The following SPAG16 variants were observed in gnomAD, a reference collection of about 807,000 sequenced individuals.
SPAG16 encodes sperm-associated antigen 16 protein.
Under a neutral mutation model 80.4 loss-of-function variants are expected in SPAG16, and 86 were observed. The observed-to-expected ratio is 1.07, with a 90% CI of 0.90 to 1.28. The LOEUF (loss-of-function observed/expected upper bound fraction) is 1.28, where lower values mean the gene tolerates loss of function less well. Ranked by LOEUF, SPAG16 falls within the 50% of genes most tolerant of loss-of-function variation. The probability of loss-of-function intolerance (pLI) is 0.00; values close to 1 mark genes in which losing one functional copy is unlikely to be tolerated. For missense variants in SPAG16, 870 were observed against 765.3 expected, an observed-to-expected ratio of 1.14 and a Z score of -1.61; for synonymous variants, 294 against 265.9, an observed-to-expected ratio of 1.11 and a Z score of -1.03.
chr2:214,234,311 C>T (rs1559145380), intron 15 of SPAG16, among the ~76,000 whole-genome samples: 1 of 152,076 alleles, frequency 6.6e-6, no homozygotes, highest in East Asian at 1.9e-4. Flanking sequence ...AGGTTGATTC[C>T]ATGTCTTTGC....
At chr2:213,486,751 C>A (rs1479293482) in intron 9 of SPAG16, among the ~76,000 whole-genome samples, 4 of 151,930 alleles carry the variant, frequency 2.6e-5, no homozygotes, top group Admixed American at 2.6e-4. Flanking sequence ...ATCAATATCC[C>A]AGGAGAATAT....
chr2:214,288,250 A>T (rs986784324), intron 15 of SPAG16, among the ~76,000 whole-genome samples: 1 of 152,116 alleles, frequency 6.6e-6, no homozygotes, highest in African/African-American at 2.4e-5. Context: ...CAAATGCCCT[A>T]ATTTTATTAT....
At chr2:214,350,114 A>G (rs1007338117) in intron 15 of SPAG16, among the ~76,000 whole-genome samples, 16 of 152,178 alleles carry the variant, frequency 1.1e-4, no homozygotes, top group African/African-American at 3.4e-4. Flanking sequence ...ATTTTTCTCA[A>G]TAACTTTGAA....
At chr2:214,237,828 A>G (rs1689180843) in intron 15 of SPAG16, among the ~76,000 whole-genome samples, 1 of 152,048 alleles carries the variant, frequency 6.6e-6, no homozygotes, top group Non-Finnish European at 1.5e-5. Context: ...AAGAACTTGG[A>G]AAAAGAAAGA....
At chr2:214,187,307 G>A (rs2057511531) in intron 15 of SPAG16, among the ~76,000 whole-genome samples, 1 of 151,824 alleles carries the variant, frequency 6.6e-6, no homozygotes, top group African/African-American at 2.4e-5. Context: ...CTTTTGTCTA[G>A]GTGCTTCATA....
chr2:213,927,484 G>A (rs2078537473), intron 11 of SPAG16, among the ~76,000 whole-genome samples: 1 of 151,936 alleles, frequency 6.6e-6, no homozygotes, highest in African/African-American at 2.4e-5. Flanking sequence ...AAGTTATACA[G>A]TTTTCCATAT....
At chr2:213,947,287 C>G (rs1041024989) in intron 12 of SPAG16, among the ~76,000 whole-genome samples, 2 of 152,092 alleles carry the variant, frequency 1.3e-5, no homozygotes, top group Non-Finnish European at 2.9e-5. Flanking sequence ...TTTTTCTAGT[C>G]TGTGGTATTT....
chr2:213,858,256 C>A (rs779979739), intron 10 of SPAG16, among the ~76,000 whole-genome samples: 1 of 152,106 alleles, frequency 6.6e-6, no homozygotes, highest in Admixed American at 6.6e-5. Flanking sequence ...ACAGAGAAAT[C>A]TTTTTGAAAT....
At chr2:213,825,158 T>A (rs1575251615) in intron 10 of SPAG16, among the ~76,000 whole-genome samples, 2 of 152,276 alleles carry the variant, frequency 1.3e-5, no homozygotes, top group East Asian at 3.9e-4. Context: ...TATAAGATTA[T>A]ATTATCTGCA....
intron 12 of SPAG16, among the ~76,000 whole-genome samples, chr2:213,988,658 C>A (rs1270090211): frequency 2.7e-5 from 4 of 150,362 alleles, no homozygotes; most frequent in Non-Finnish European, 3.0e-5. Flanking sequence ...ACAATTGTAC[C>A]AACATTTTAG....
chr2:213,630,792 G>T (rs534528522), intron 10 of SPAG16, among the ~76,000 whole-genome samples: 2 of 152,250 alleles, frequency 1.3e-5, no homozygotes, highest in South Asian at 2.1e-4. Context: ...ACAATTAAGA[G>T]CACTACCATA....
At chr2:213,399,539 T>G (rs1191524065) in intron 9 of SPAG16, among the ~76,000 whole-genome samples, 3 of 152,040 alleles carry the variant, frequency 2.0e-5, no homozygotes, top group Non-Finnish European at 4.4e-5. Context: ...ATGTGTTATT[T>G]GAGTTACATA....
In SPAG16 at chr2:214,298,481, G is replaced by A. The variant is rs185546120; in HGVS notation, c.1721-111659G>A. Among the ~76,000 whole-genome samples, 498 of 152,152 alleles carry A rather than the reference G, an allele frequency of 3.3e-3. 2 individuals carry two copies. Among genetic ancestry groups the A allele is most frequent in the Non-Finnish European group, 5.9e-3 (402 of 67,978 alleles). On this transcript the variant is annotated intron_variant, in intron 15 of 15. Transcript: ENST00000331683. ...GTGCCCTTTAGACTAGCTGGCAATGGTAGTTTTATTGGTAAGTGGAACCTA... is the reference window on the plus strand; with the variant it reads ...GTGCCCTTTAGACTAGCTGGCAATGATAGTTTTATTGGTAAGTGGAACCTA...
intron 1 of SPAG16, among the ~76,000 whole-genome samples, chr2:213,290,888 T>G: frequency 6.6e-6 from 1 of 152,226 alleles, no homozygotes; most frequent in Non-Finnish European, 1.5e-5. Context: ...CATCACATCC[T>G]ACTTCACTCT....
Position 213,929,142 on chromosome 2 carries a change from T to A in SPAG16, c.1215-818T>A, listed in dbSNP as rs990278386. Reference sequence around the variant, plus strand: ...AACTCTCCTGCCTCAGCCTCTCGAGTAGCTGGGATTACAGGCGCACGCCAC... The same window carrying A: ...AACTCTCCTGCCTCAGCCTCTCGAGAAGCTGGGATTACAGGCGCACGCCAC... On this transcript the variant is annotated intron_variant, in intron 11 of 15. Coordinates refer to ENST00000331683, the MANE Select transcript of SPAG16 (RefSeq NM_024532.5). 3.3e-5 allele frequency among the ~76,000 whole-genome samples: 5 copies of A among 150,510 alleles called. No individual in the cohort carries two copies. In the South Asian group the frequency reaches 1.1e-3, roughly 32 times the overall value.
intron 15 of SPAG16, among the ~76,000 whole-genome samples, chr2:214,188,167 A>G (rs1478099419): frequency 6.6e-6 from 1 of 152,156 alleles, no homozygotes; most frequent in African/African-American, 2.4e-5. Context: ...ACCATGTGAG[A>G]TTCATTTGCC....
At chr2:213,290,755 T>C (rs1027541245) in intron 1 of SPAG16, among the ~76,000 whole-genome samples, 2 of 152,196 alleles carry the variant, frequency 1.3e-5, no homozygotes, top group Non-Finnish European at 2.9e-5. Flanking sequence ...ATGAGAAAGT[T>C]GCTCCGTGAA....
chr2:213,375,224 G>T (rs2066828527), intron 9 of SPAG16, 105 bp downstream of exon 9: 1 of 817,306 alleles, frequency 1.2e-6, no homozygotes, highest in South Asian at 2.0e-5. Flanking sequence ...GAATTTAGAG[G>T]TTATATATTC....
chr2:213,859,226 C>A, intron 10 of SPAG16, among the ~76,000 whole-genome samples: 1 of 112,702 alleles, frequency 8.9e-6, no homozygotes, highest in African/African-American at 3.1e-5. Context: ...ACTCAATGTC[C>A]TCTGACAACT....
Sources: allele counts gnomAD v4.1 joint callset (sites outside exome capture counted in the v4.1 genomes callset), GRCh38; gene constraint gnomAD v4.1.1; transcripts MANE v1.5; gene names NCBI Gene and HGNC (gene_info 2026-07-23, HGNC 2026-07-21).